Variants in IPO11 observed in about 807,000 individuals in gnomAD.
The protein encoded by IPO11 is importin 11, also known as importin-11.
IPO11 carries 66 observed loss-of-function variants against 143.2 expected under a neutral mutation model. The ratio of observed to expected loss-of-function variants is 0.46; its 90% CI spans 0.38 to 0.57. The LOEUF (loss-of-function observed/expected upper bound fraction) is 0.57. Among genes scored for constraint, IPO11 ranks in the 20% least tolerant of loss-of-function variants. The pLI, the probability that IPO11 is intolerant of heterozygous loss-of-function variation, is 0.00. For synonymous variants in IPO11, 385 were observed against 377.8 expected (o/e 1.02, Z -0.22); for missense variants, 1,026 against 1,141.0 (o/e 0.90, Z 1.45).
chr5:62,550,534 A>G lies in IPO11; in HGVS notation c.2346+72A>G, dbSNP rs1257025280. On this transcript the variant is annotated intron_variant, in intron 25 of 29. Coordinates refer to ENST00000325324, the MANE Select transcript of IPO11 (RefSeq NM_016338.5). ...TCTAGTTTTAATTACTCTGTTAGAT[A>G]CAGAAGGAAAGCTTTTCTTGTCATT... 3 of 982,306 alleles carry G rather than the reference A, an allele frequency of 3.1e-6. No homozygotes were observed. In the African/African-American group the frequency reaches 4.9e-5, roughly 16 times the overall value. 60.8% of individuals were successfully genotyped at this position (982,306 alleles called of 1,614,324 possible). A position where few individuals can be genotyped will look rare whatever the true frequency, so the allele number is the denominator to read the frequency against.
chr5:62,491,758 C>T lies in IPO11; in HGVS notation c.1463+1538C>T, dbSNP rs544427877. On this transcript the variant is annotated intron_variant, in intron 15 of 29. Coordinates refer to ENST00000325324, the MANE Select transcript of IPO11 (RefSeq NM_016338.5). ...TCGACTCACTGCAAGCTCTGCCTCCCGGGTTCATGCCGTTCTCCTGCCTCA... is the reference window on the plus strand; with the variant it reads ...TCGACTCACTGCAAGCTCTGCCTCCTGGGTTCATGCCGTTCTCCTGCCTCA... Among the ~76,000 whole-genome samples the T allele has an allele frequency of 9.9e-5, 15 of 151,178 alleles. No individual in the cohort carries two copies. In the East Asian group the frequency reaches 1.2e-3, roughly 12 times the overall value.
At chr5:62,446,505 G>A (rs1376018000) in intron 3 of IPO11, among the ~76,000 whole-genome samples, 1 of 152,094 alleles carries the variant, frequency 6.6e-6, no homozygotes. Context: ...ATTTTAGTTT[G>A]CATTTTCTTT....
At chr5:62,547,460 C>T (rs1186250678) in intron 24 of IPO11, among the ~76,000 whole-genome samples, 1 of 152,054 alleles carries the variant, frequency 6.6e-6, no homozygotes, top group African/African-American at 2.4e-5. Flanking sequence ...ACCTTTGGTC[C>T]ACTGTTCAGC....
At chr5:62,549,879 A>G (rs1432701704) in intron 24 of IPO11, among the ~76,000 whole-genome samples, 1 of 152,250 alleles carries the variant, frequency 6.6e-6, no homozygotes, top group Non-Finnish European at 1.5e-5. Context: ...TTTAATAAAT[A>G]TGCAGTATAT....
chr5:62,476,111 A>G (rs1477626587), intron 8 of IPO11, among the ~76,000 whole-genome samples: 1 of 152,248 alleles, frequency 6.6e-6, no homozygotes, highest in Non-Finnish European at 1.5e-5. Flanking sequence ...TATGTTTTCT[A>G]AAAATAGTCA....
intron 20 of IPO11, among the ~76,000 whole-genome samples, chr5:62,517,192 C>T (rs927962755): frequency 4.7e-4 from 45 of 95,222 alleles, no homozygotes; most frequent in Middle Eastern, 4.8e-3. Flanking sequence ...AGCAAGACTC[C>T]GTCTCAAAAA....
chr5:62,456,978 C>T (rs1425601819), intron 5 of IPO11, among the ~76,000 whole-genome samples: 1 of 151,904 alleles, frequency 6.6e-6, no homozygotes, highest in Non-Finnish European at 1.5e-5. Context: ...TACTCGGGAG[C>T]CTGAGGCAGG....
At chr5:62,601,236 T>C (rs1468154441) in intron 28 of IPO11, 1 of 152,286 alleles carries the variant, frequency 6.6e-6, no homozygotes, top group Middle Eastern at 3.2e-3. Flanking sequence ...GGTGCAGATA[T>C]TCAAAATAAA....
chr5:62,601,674 T>A, intron 28 of IPO11, 90 bp from the exon 29 acceptor site: 12 of 550,328 alleles, frequency 2.2e-5, no homozygotes, highest in South Asian at 5.5e-5. Context: ...AACATAGAAT[T>A]ATTCATGTTC....
chr5:62,514,672 A>G (rs939761047), intron 19 of IPO11, among the ~76,000 whole-genome samples: 3 of 151,918 alleles, frequency 2.0e-5, no homozygotes, highest in Non-Finnish European at 4.4e-5. Context: ...TTCTTAGAGC[A>G]ATTTCAAATA....
chr5:62,439,058 C>CA lies in IPO11; in HGVS notation c.138+1660dup, dbSNP rs201729033. Among the ~76,000 whole-genome samples the CA allele has an allele frequency of 5.4e-3, 399 of 73,610 alleles. 5 individuals are homozygous for CA. The highest frequency in any genetic ancestry group is 0.011 in the African/African-American group (229 of 20,730). The allele number at this position is 73,610 out of a possible 152,430, so 48.3% of individuals were successfully genotyped here. A position where few individuals can be genotyped will look rare whatever the true frequency, so the allele number is the denominator to read the frequency against. The stretch of plus-strand genomic sequence containing the variant: ...TGGGCGACAGAGTAAGACTCCATCT[C>CA]AAAAAAAAAAAAAAAAAAATCTCTT... On this transcript the variant is annotated intron_variant, in intron 2 of 29. Coordinates refer to ENST00000325324, the MANE Select transcript of IPO11 (RefSeq NM_016338.5).
intron 19 of IPO11, among the ~76,000 whole-genome samples, chr5:62,506,712 T>C (rs1741568206): frequency 6.6e-6 from 1 of 152,138 alleles, no homozygotes. Context: ...ACCTGAAAAA[T>C]TAAGTATTTT....
rs372923439 is a variant in IPO11, at chr5:62,539,933, G to A, written c.2250+2644G>A. ...TTAATTCTGACTATTTGAGGAAAAA[G>A]TGATTGGTGATGTGGGAGTGATTAA... On this transcript the variant is annotated intron_variant, in intron 24 of 29. Coordinates refer to ENST00000325324, the MANE Select transcript of IPO11 (RefSeq NM_016338.5). Among the ~76,000 whole-genome samples the A allele has an allele frequency of 5.9e-5, 9 of 152,322 alleles. No individual in the cohort carries two copies. The East Asian group carries it at 9.6e-4, about 16-fold the overall frequency.
At chr5:62,519,384 C>T (rs946199158) in intron 20 of IPO11, among the ~76,000 whole-genome samples, 9 of 152,188 alleles carry the variant, frequency 5.9e-5, no homozygotes, top group Admixed American at 5.9e-4. Context: ...TCAACTCTTA[C>T]AGCCATATCA....
At chr5:62,485,532 A>C (rs547982656) in intron 12 of IPO11, 70 bp downstream of exon 12, 1 of 1,205,958 alleles carries the variant, frequency 8.3e-7, no homozygotes, top group South Asian at 1.2e-5. Context: ...GTAGAGAATG[A>C]CACTCTATTA....
At chr5:62,577,460 G>A (rs1744357838) in intron 27 of IPO11, among the ~76,000 whole-genome samples, 1 of 151,878 alleles carries the variant, frequency 6.6e-6, no homozygotes, top group Non-Finnish European at 1.5e-5. Context: ...TATTTCAAAG[G>A]ACCCTTTCTC....
At chr5:62,512,024 T>G (rs531750243) in intron 19 of IPO11, among the ~76,000 whole-genome samples, 1 of 152,140 alleles carries the variant, frequency 6.6e-6, no homozygotes. Context: ...CACACTCAGC[T>G]TAGGCTGTGG....
intron 5 of IPO11, among the ~76,000 whole-genome samples, chr5:62,452,723 GGTGTGTGTGTGTGTGTGTGTGTGT>G (rs57057274): frequency 7.4e-6 from 1 of 135,334 alleles, no homozygotes. Context: ...TTTTTGGTGG[GGTGTGTGTGTGTGTGTGTGTGTGT>G]GTGTGTGTGT....
chr5:62,485,376 C>G, intron 11 of IPO11, 43 bp from the exon 12 acceptor site: 1 of 1,489,134 alleles, frequency 6.7e-7, no homozygotes, highest in African/African-American at 1.4e-5. Flanking sequence ...GTTTTCTAAA[C>G]CAAGATGTTG....
Sources: allele counts gnomAD v4.1 joint callset (sites outside exome capture counted in the v4.1 genomes callset), GRCh38; gene constraint gnomAD v4.1.1; transcripts MANE v1.5; gene names NCBI Gene and HGNC (gene_info 2026-07-23, HGNC 2026-07-21).